The following CNTNAP2 variants were observed in gnomAD, a reference collection of about 807,000 sequenced individuals.
CNTNAP2 encodes the protein contactin associated protein 2.
Under a neutral mutation model 155.2 loss-of-function variants are expected in CNTNAP2, and 98 were observed. The observed-to-expected ratio is 0.63, with a 90% CI of 0.54 to 0.75. The LOEUF (loss-of-function observed/expected upper bound fraction) is 0.75, where lower values mean the gene tolerates loss of function less well. Among genes scored for constraint, CNTNAP2 ranks in the 30% least tolerant of loss-of-function variants. The probability of loss-of-function intolerance (pLI) is 0.00; values close to 1 mark genes in which losing one functional copy is unlikely to be tolerated. For synonymous variants in CNTNAP2, 651 were observed against 631.2 expected (o/e 1.03, Z -0.47); for missense variants, 1,727 against 1,688.1 (o/e 1.02, Z -0.40).
intron 8 of CNTNAP2, among the ~76,000 whole-genome samples, chr7:147,171,910 C>A (rs899746382): frequency 2.0e-5 from 3 of 151,384 alleles, no homozygotes; most frequent in Non-Finnish European, 4.4e-5. Context: ...ATGAAAAAAA[C>A]GAGAATACCT....
intron 2 of CNTNAP2, among the ~76,000 whole-genome samples, chr7:146,828,395 C>T (rs574109868): frequency 6.6e-6 from 1 of 151,974 alleles, no homozygotes; most frequent in Non-Finnish European, 1.5e-5. Context: ...TTTTAACTTA[C>T]ATTTTAAATA....
At chr7:148,175,974 C>T (rs1213642939) in intron 18 of CNTNAP2, among the ~76,000 whole-genome samples, 1 of 152,024 alleles carries the variant, frequency 6.6e-6, no homozygotes, top group Non-Finnish European at 1.5e-5. Context: ...ACCTACTTTC[C>T]CTCTCTCCCT....
At chr7:148,180,877 C>T (rs1024100855) in intron 18 of CNTNAP2, among the ~76,000 whole-genome samples, 2 of 152,148 alleles carry the variant, frequency 1.3e-5, no homozygotes, top group African/African-American at 2.4e-5. Flanking sequence ...TTCCAGAGAA[C>T]ATTAGCATGT....
chr7:146,438,011 T>C (rs1454475214), intron 1 of CNTNAP2, among the ~76,000 whole-genome samples: 2 of 151,462 alleles, frequency 1.3e-5, no homozygotes, highest in Non-Finnish European at 2.9e-5. Flanking sequence ...AGAACATCAT[T>C]GCTATCCCAT....
intron 12 of CNTNAP2, among the ~76,000 whole-genome samples, chr7:147,635,071 C>T (rs1280082302): frequency 1.3e-5 from 2 of 151,994 alleles, no homozygotes; most frequent in African/African-American, 4.8e-5. Context: ...ATGTTATTTT[C>T]TCAGTGAAGC....
At chr7:147,364,422 A>T (rs1796192569) in intron 9 of CNTNAP2, among the ~76,000 whole-genome samples, 1 of 152,206 alleles carries the variant, frequency 6.6e-6, no homozygotes, top group Admixed American at 6.5e-5. Flanking sequence ...TCTGGTGTTA[A>T]AAGGGACTCA....
chr7:146,331,033 G>A (rs1055764761), intron 1 of CNTNAP2, among the ~76,000 whole-genome samples: 2 of 152,164 alleles, frequency 1.3e-5, no homozygotes, highest in Non-Finnish European at 2.9e-5. Context: ...GGCCGGGCGC[G>A]GTGGCTCACG....
chr7:146,451,868 T>TAC (rs1563089238), intron 1 of CNTNAP2, among the ~76,000 whole-genome samples: 1 of 63,446 alleles, frequency 1.6e-5, no homozygotes, highest in East Asian at 3.2e-4. Flanking sequence ...TATATATATA[T>TAC]ACGTATATAT....
intron 3 of CNTNAP2, among the ~76,000 whole-genome samples, chr7:147,020,108 T>A (rs1798794108): frequency 6.6e-6 from 1 of 152,100 alleles, no homozygotes; most frequent in South Asian, 2.1e-4. Flanking sequence ...TACATAATGT[T>A]TGTAGGTGAT....
chr7:148,220,984 G>A (rs1269328621), intron 19 of CNTNAP2, among the ~76,000 whole-genome samples: 10 of 152,054 alleles, frequency 6.6e-5, no homozygotes, highest in African/African-American at 2.4e-4. Context: ...AGAAGTTGGT[G>A]AACACATTCC....
chr7:147,973,662 T>C lies in CNTNAP2; in HGVS notation c.2256-4200T>C, dbSNP rs535345551. 4.6e-5 allele frequency among the ~76,000 whole-genome samples: 7 copies of C among 152,360 alleles called. No individual in the cohort carries two copies. In the South Asian group the frequency reaches 1.4e-3, roughly 32 times the overall value. On this transcript the variant is annotated intron_variant, in intron 14 of 23. Coordinates refer to ENST00000361727, the MANE Select transcript of CNTNAP2 (RefSeq NM_014141.6). Reference sequence around the variant, plus strand: ...ATTTCAGCCTAGCTAAAGACATCTTTAAAAGGTAATTTTCACCTCATCTAT... The same window carrying C: ...ATTTCAGCCTAGCTAAAGACATCTTCAAAAGGTAATTTTCACCTCATCTAT...
intron 21 of CNTNAP2, 55 bp downstream of exon 21, chr7:148,267,181 G>A: frequency 1.4e-6 from 2 of 1,464,840 alleles, no homozygotes; most frequent in Admixed American, 1.7e-5. Context: ...TTTGGGTAAT[G>A]TGAGTTTGGA....
At chr7:147,465,670 G>A (rs191557633) in intron 10 of CNTNAP2, among the ~76,000 whole-genome samples, 63 of 152,252 alleles carry the variant, frequency 4.1e-4, no homozygotes, top group African/African-American at 1.4e-3. Flanking sequence ...TATTAGATCC[G>A]CTGGCTTGAT....
In CNTNAP2 at chr7:146,251,303, CAA is replaced by C. The variant is rs201897735; in HGVS notation, c.97+134331_97+134332del. ...TAAATTTTGTTATCTTAATTTTATA[CAA>C]GTTACAATTATATTATTGTTAATGA... On this transcript the variant is annotated intron_variant, in intron 1 of 23. Coordinates refer to ENST00000361727, the MANE Select transcript of CNTNAP2 (RefSeq NM_014141.6). 7.5e-3 allele frequency among the ~76,000 whole-genome samples: 1,145 copies of C among 152,040 alleles called. 16 individuals carry two copies. Among genetic ancestry groups the C allele is most frequent in the African/African-American group, 0.025 (1,047 of 41,500 alleles).
chr7:148,208,196 C>T (rs553132817), intron 18 of CNTNAP2, among the ~76,000 whole-genome samples: 16 of 151,978 alleles, frequency 1.1e-4, no homozygotes, highest in Non-Finnish European at 7.3e-5. Context: ...CAAAAGGTTA[C>T]GAGGCAATGC....
At chr7:147,656,476 G>A (rs931610273) in intron 13 of CNTNAP2, among the ~76,000 whole-genome samples, 2 of 152,104 alleles carry the variant, frequency 1.3e-5, no homozygotes, top group Admixed American at 1.3e-4. Context: ...TTATGAACAG[G>A]GCTAATTTCA....
At position 147,621,423 on chromosome 7, in the gene CNTNAP2, C is replaced by A. The variant is rs372458000; in HGVS notation, c.1898-17683C>A. On this transcript the variant is annotated intron_variant, in intron 12 of 23. Coordinates refer to ENST00000361727, the MANE Select transcript of CNTNAP2 (RefSeq NM_014141.6). The stretch of plus-strand genomic sequence containing the variant: ...AACCAATAAAAAATAAAAAGTACAA[C>A]AATTTTTGAAGACATAGACAGTACA... Among the ~76,000 whole-genome samples, 4 of 152,040 alleles carry A rather than the reference C, an allele frequency of 2.6e-5. No homozygotes were observed. In the East Asian group the frequency reaches 5.8e-4, roughly 22 times the overall value.
At chr7:148,270,646 G>A (rs1234395483) in intron 21 of CNTNAP2, among the ~76,000 whole-genome samples, 1 of 152,240 alleles carries the variant, frequency 6.6e-6, no homozygotes, top group Non-Finnish European at 1.5e-5. Context: ...ATACTGCAGG[G>A]TGAAAGGGTA....
At chr7:146,774,135 A>T in intron 1 of CNTNAP2, 136 bp from the exon 2 acceptor site, 1 of 701,552 alleles carries the variant, frequency 1.4e-6, no homozygotes, top group Non-Finnish European at 2.5e-6. Flanking sequence ...GAATTGCCTA[A>T]ATTCCTTTGC....
Sources: gnomAD v4.1 joint callset for allele counts (sites outside exome capture counted in the v4.1 genomes callset) on GRCh38, gnomAD v4.1.1 for gene constraint, MANE v1.5 for transcripts, NCBI Gene and HGNC (gene_info 2026-07-23, HGNC 2026-07-21) for gene names.